WWOX: variants seen among roughly 807,000 people sequenced by gnomAD.
The protein encoded by WWOX is WW domain-containing oxidoreductase.
In WWOX, 69 loss-of-function variants were observed where a neutral mutation model predicts 46.2. The observed-to-expected ratio is 1.49, with a 90% confidence interval of 1.23 to 1.82. The LOEUF is 1.82. Among genes scored for constraint, WWOX ranks in the 40% most tolerant of loss-of-function variants. WWOX has a pLI of 0.00. For missense variants in WWOX, 919 were observed against 542.6 expected (o/e 1.69, Z -6.89); for synonymous variants, 359 against 202.6 (o/e 1.77, Z -6.56).
chr16:78,523,646 G>A (rs765994682), intron 8 of WWOX, among the ~76,000 whole-genome samples: 6 of 152,266 alleles, frequency 3.9e-5, no homozygotes, highest in Admixed American at 6.5e-5. Context: ...TTCGCTTTTC[G>A]TAATGTGGTA....
chr16:79,100,688 C>T (rs1489237570), intron 8 of WWOX, among the ~76,000 whole-genome samples: 1 of 152,176 alleles, frequency 6.6e-6, no homozygotes, highest in African/African-American at 2.4e-5. Context: ...TAGCTAAGCA[C>T]TCAGCCTAAG....
chr16:79,105,673 TTG>T (rs1259581340), intron 8 of WWOX, among the ~76,000 whole-genome samples: 43 of 151,924 alleles, frequency 2.8e-4, no homozygotes, highest in African/African-American at 1.0e-3. Context: ...TTTTTTTTTT[TTG>T]TTTGCGAGAC....
At chr16:78,987,561 AT>A (rs1405397433) in intron 8 of WWOX, among the ~76,000 whole-genome samples, 1 of 152,180 alleles carries the variant, frequency 6.6e-6, no homozygotes, top group East Asian at 1.9e-4. Flanking sequence ...CCTATAAAAT[AT>A]GTGGGTTGAG....
intron 8 of WWOX, among the ~76,000 whole-genome samples, chr16:78,648,564 G>A (rs541384225): frequency 1.3e-5 from 2 of 152,260 alleles, no homozygotes; most frequent in Admixed American, 6.5e-5. Context: ...GACTTGGTCA[G>A]TAATGCCCAT....
Position 78,753,850 on chromosome 16 carries a change from A to G in WWOX, c.1056+321098A>G, listed in dbSNP as rs1465714845. Among the ~76,000 whole-genome samples, 376 of 87,174 alleles carry G rather than the reference A, an allele frequency of 4.3e-3. 4 individuals are homozygous for G. The highest frequency in any genetic ancestry group is 0.012 in the African/African-American group (245 of 20,802). 57.2% of individuals were successfully genotyped at this position (87,174 alleles called of 152,430 possible). A position where few individuals can be genotyped will look rare whatever the true frequency, so the allele number is the denominator to read the frequency against. On this transcript the variant is annotated intron_variant, in intron 8 of 8. Transcript: ENST00000566780. ...AATATATATATATATATATATATAT[A>G]TATATGTATATGTATATGTATATAT...
intron 5 of WWOX, among the ~76,000 whole-genome samples, chr16:78,248,068 T>C (rs1302148521): frequency 6.6e-6 from 1 of 152,190 alleles, no homozygotes; most frequent in Non-Finnish European, 1.5e-5. Context: ...CCATCCTCTA[T>C]GTGTGTATTA....
chr16:78,321,872 T>A (rs2080491525), intron 5 of WWOX, among the ~76,000 whole-genome samples: 1 of 152,058 alleles, frequency 6.6e-6, no homozygotes, highest in Non-Finnish European at 1.5e-5. Flanking sequence ...ATGATTCTGT[T>A]GACATTTAGT....
intron 5 of WWOX, among the ~76,000 whole-genome samples, chr16:78,306,670 C>G (rs998447358): frequency 2.6e-5 from 4 of 151,350 alleles, no homozygotes; most frequent in African/African-American, 7.3e-5. Context: ...ATGCCTTCCC[C>G]AAATTCCTGA....
At chr16:78,911,039 C>G (rs188805504) in intron 8 of WWOX, among the ~76,000 whole-genome samples, 1 of 151,974 alleles carries the variant, frequency 6.6e-6, no homozygotes, top group East Asian at 1.9e-4. Context: ...AAATGGCTTT[C>G]CCACAGCCTG....
At chr16:79,161,881 T>G (rs753680146) in intron 8 of WWOX, among the ~76,000 whole-genome samples, 1 of 152,216 alleles carries the variant, frequency 6.6e-6, no homozygotes, top group African/African-American at 2.4e-5. Context: ...TGGATTTGTT[T>G]CTTTGAGGGG....
At chr16:78,152,349 C>G (rs2034445690) in intron 4 of WWOX, among the ~76,000 whole-genome samples, 2 of 151,868 alleles carry the variant, frequency 1.3e-5, no homozygotes, top group Admixed American at 1.3e-4. Flanking sequence ...TGCAGTCTGT[C>G]GTAGATAATG....
chr16:78,728,476 G>A (rs7196255), intron 8 of WWOX, among the ~76,000 whole-genome samples: 8,968 of 152,280 alleles, frequency 0.059, 453 homozygotes, highest in African/African-American at 0.14. Flanking sequence ...AAGACAGCCA[G>A]ATTCTCACTT....
intron 5 of WWOX, among the ~76,000 whole-genome samples, chr16:78,347,524 T>C (rs1053651147): frequency 8.4e-6 from 1 of 118,590 alleles, no homozygotes; most frequent in African/African-American, 2.9e-5. Context: ...ACCTCTTGCA[T>C]GTTCCTGAGC....
intron 8 of WWOX, among the ~76,000 whole-genome samples, chr16:78,864,739 A>C (rs1174504278): frequency 9.7e-6 from 1 of 103,612 alleles, no homozygotes; most frequent in South Asian, 3.2e-4. Context: ...CTGTGTGGCT[A>C]TTTTTCTCCA....
chr16:78,415,044 G>T (rs1301767609), intron 6 of WWOX, among the ~76,000 whole-genome samples: 1 of 149,414 alleles, frequency 6.7e-6, no homozygotes, highest in Non-Finnish European at 1.5e-5. Context: ...GATATTTATA[G>T]TTAATTATTG....
At chr16:78,179,896 A>C (rs533593273) in intron 5 of WWOX, 17 of 152,312 alleles carry the variant, frequency 1.1e-4, no homozygotes, top group African/African-American at 3.6e-4. Flanking sequence ...ATATTTACTG[A>C]GTGAGTGAGA....
intron 8 of WWOX, among the ~76,000 whole-genome samples, chr16:79,195,200 A>G (rs1224973792): frequency 6.6e-6 from 1 of 152,084 alleles, no homozygotes; most frequent in Non-Finnish European, 1.5e-5. Flanking sequence ...CAGGAAGTAG[A>G]TTCTGCAACT....
chr16:78,567,410 C>G (rs552318570), intron 8 of WWOX, among the ~76,000 whole-genome samples: 1 of 150,898 alleles, frequency 6.6e-6, no homozygotes. Flanking sequence ...AAAATTAGCC[C>G]GGCGTGGTGG....
At chr16:79,093,025 C>T (rs1216649951) in intron 8 of WWOX, among the ~76,000 whole-genome samples, 1 of 152,182 alleles carries the variant, frequency 6.6e-6, no homozygotes, top group Non-Finnish European at 1.5e-5. Context: ...ACCGCAATTA[C>T]TTTTGCACCA....
Sources: allele counts gnomAD v4.1 joint callset (sites outside exome capture counted in the v4.1 genomes callset), GRCh38; gene constraint gnomAD v4.1.1; transcripts MANE v1.5; gene names NCBI Gene and HGNC (gene_info 2026-07-23, HGNC 2026-07-21).